The following EGFR variants were observed in gnomAD, a reference collection of about 807,000 sequenced individuals.
The protein encoded by EGFR is avian erythroblastic leukemia viral (v-erb-b) oncogene homolog.
Under a neutral mutation model 143.0 loss-of-function variants are expected in EGFR, and 58 were observed. The ratio of observed to expected loss-of-function variants is 0.41; its 90% CI spans 0.33 to 0.50. The LOEUF is 0.50. EGFR is among the 20% of genes least tolerant of loss of function. EGFR has a pLI of 0.39. For missense variants in EGFR, 1,307 were observed against 1,579.0 expected, an observed-to-expected ratio of 0.83 and a Z score of 2.92; for synonymous variants, 613 against 594.4, an observed-to-expected ratio of 1.03 and a Z score of -0.45.
Position 55,142,273 on chromosome 7 carries a change from C to A in EGFR, c.89-13C>A, listed in dbSNP as rs749252467. ...TCTCAGTATTTCATGTGATATCTGT[C>A]TTTTTCTTCCAGTTTGCCAAGGCAC... On this transcript the variant is annotated splice_polypyrimidine_tract_variant and intron_variant, in intron 1 of 27. Coordinates refer to ENST00000275493, the MANE Select transcript of EGFR (RefSeq NM_005228.5). 1 of 1,614,110 alleles carries A rather than the reference C, an allele frequency of 6.2e-7. No homozygotes were observed.
rs1334848721 is a variant in EGFR at position 55,210,584 on chromosome 7, G to A, written c.*4967G>A. The A allele has an allele frequency of 6.6e-6, 1 of 152,192 alleles. No homozygotes were observed. The highest frequency in any genetic ancestry group is 1.5e-5 in the Non-Finnish European group (1 of 68,038). 9.4% of individuals were successfully genotyped at this position (152,192 alleles called of 1,614,324 possible). A position where few individuals can be genotyped will look rare whatever the true frequency, so the allele number is the denominator to read the frequency against. On this transcript the variant is annotated 3_prime_UTR_variant, in exon 28 of 28. Coordinates refer to ENST00000275493, the MANE Select transcript of EGFR (RefSeq NM_005228.5). ...GGACATGGACTTGGAGGCAAATTCTGCAGGTGTATGTGATTCTCAGGCCTA... is the reference window on the plus strand; with the variant it reads ...GGACATGGACTTGGAGGCAAATTCTACAGGTGTATGTGATTCTCAGGCCTA...
rs1785286591 is a variant in EGFR, at chr7:55,154,044, A to G, written c.781A>G (p.Lys261Glu). ...CRKFRDEATC[K>E]DTCPPLMLYN... ...CAAATTCCGAGACGAAGCCACGTGC[A>G]AGGACACCTGCCCCCCACTCATGCT... Residue 261 changes from lysine to glutamate, a missense_variant, in exon 7 of 28, where the codon AAG (lysine) becomes GAG (glutamate). Lys to Glu is a moderately conservative substitution (Grantham distance 56, BLOSUM62 1). This residue lies in a region of EGFR where 311 missense variants were observed against 412.3 expected (regional missense o/e 0.75). Coordinates refer to ENST00000275493, the MANE Select transcript of EGFR (RefSeq NM_005228.5). The G allele has an allele frequency of 6.2e-7, 1 of 1,614,028 alleles. No homozygotes were observed. Among genetic ancestry groups the G allele is most frequent in the African/African-American group, 1.3e-5 (1 of 74,910 alleles).
chr7:55,131,224 T>A (rs1490631696), intron 1 of EGFR, among the ~76,000 whole-genome samples: 2 of 151,692 alleles, frequency 1.3e-5, no homozygotes, highest in African/African-American at 4.8e-5. Flanking sequence ...CATGTGCCAG[T>A]AACAGTGCAG....
intron 5 of EGFR, 90 bp from the exon 6 acceptor site, chr7:55,152,456 A>T (rs866386005): frequency 8.3e-7 from 1 of 1,201,622 alleles, no homozygotes; most frequent in Non-Finnish European, 1.2e-6. Context: ...TCACTTTTTC[A>T]TGAAAAAGTC....
Position 55,163,800 on chromosome 7 carries a change from A to G in EGFR, c.1699A>G (p.Met567Val), listed in dbSNP as rs771278492. The G allele has an allele frequency of 3.1e-6, 5 of 1,614,224 alleles. No homozygotes were observed. The highest frequency in any genetic ancestry group is 1.1e-5 in the South Asian group (1 of 91,086). The change falls in exon 14 of 28, where the codon ATG (methionine) becomes GTG (valine). Residue 567 changes from methionine (M) to valine (V), a missense_variant. By Grantham distance (21) the Met-to-Val change is conservative. Coordinates refer to ENST00000275493, the MANE Select transcript of EGFR (RefSeq NM_005228.5). ...CCACCCAGAGTGCCTGCCTCAGGCC[A>G]TGAACATCACCTGCACAGGACGGGT... is the stretch of plus-strand genomic sequence containing the variant. ...QCHPECLPQA[M>V]NITCTGRGPD...
intron 22 of EGFR, among the ~76,000 whole-genome samples, chr7:55,196,782 C>CT (rs370316535): frequency 0.022 from 3,131 of 142,554 alleles, 37 homozygotes; most frequent in Middle Eastern, 0.033. Flanking sequence ...TTATTCATTG[C>CT]TTTTTTTTTT....
intron 27 of EGFR, among the ~76,000 whole-genome samples, chr7:55,204,598 CACGTA>C: frequency 7.6e-6 from 1 of 132,116 alleles, no homozygotes; most frequent in African/African-American, 2.9e-5. Context: ...CACATACACA[CACGTA>C]CACACACCAC....
intron 1 of EGFR, among the ~76,000 whole-genome samples, chr7:55,115,326 T>C (rs1399355076): frequency 2.6e-5 from 4 of 152,238 alleles, no homozygotes; most frequent in Admixed American, 6.5e-5. Context: ...ACTATAGTCC[T>C]GTGAATAAGG....
rs754513957 is a variant in EGFR at position 55,205,633 on chromosome 7, T to G, written c.*16T>G. On this transcript the variant is annotated 3_prime_UTR_variant, in exon 28 of 28. Transcript: ENST00000275493. Reference sequence around the variant, plus strand: ...TGGAGCATGACCACGGAGGATAGTATGAGCCCTAAAAATCCAGACTCTTTC... The same window carrying G: ...TGGAGCATGACCACGGAGGATAGTAGGAGCCCTAAAAATCCAGACTCTTTC... 2 of 1,614,176 alleles carry G rather than the reference T, an allele frequency of 1.2e-6. No homozygotes were observed. Among genetic ancestry groups the G allele is most frequent in the Non-Finnish European group, 1.7e-6 (2 of 1,180,028 alleles).
chr7:55,138,569 T>C (rs1318542847), intron 1 of EGFR, among the ~76,000 whole-genome samples: 1 of 152,216 alleles, frequency 6.6e-6, no homozygotes, highest in Non-Finnish European at 1.5e-5. Context: ...GATCCAAACA[T>C]CTCAGTTTAG....
chr7:55,143,798 G>A (rs907004273), intron 3 of EGFR, among the ~76,000 whole-genome samples: 4 of 152,188 alleles, frequency 2.6e-5, no homozygotes, highest in African/African-American at 9.6e-5. Flanking sequence ...AGCAGGAATC[G>A]TGAATCTATG....
At chr7:55,041,587 T>G (rs1787904652) in intron 1 of EGFR, among the ~76,000 whole-genome samples, 1 of 152,206 alleles carries the variant, frequency 6.6e-6, no homozygotes, top group South Asian at 2.1e-4. Context: ...TCTGCAGCCC[T>G]AACACATCTT....
At chr7:55,108,628 T>G (rs1792277831) in intron 1 of EGFR, among the ~76,000 whole-genome samples, 1 of 152,176 alleles carries the variant, frequency 6.6e-6, no homozygotes, top group African/African-American at 2.4e-5. Flanking sequence ...GAGTTAGTCA[T>G]GACAGGAGAG....
At chr7:55,043,598 G>A (rs1274046913) in intron 1 of EGFR, among the ~76,000 whole-genome samples, 1 of 106,272 alleles carries the variant, frequency 9.4e-6, no homozygotes, top group Non-Finnish European at 2.0e-5. Flanking sequence ...CTGGCCTCAA[G>A]AGAACCGCCC....
intron 20 of EGFR, among the ~76,000 whole-genome samples, chr7:55,184,130 T>A (rs999889695): frequency 3.9e-5 from 6 of 152,232 alleles, no homozygotes; most frequent in Non-Finnish European, 8.8e-5. Context: ...GTCTCCCGAC[T>A]GTGGAGTGTG....
chr7:55,095,638 A>T (rs1328829948), intron 1 of EGFR, among the ~76,000 whole-genome samples: 3 of 152,046 alleles, frequency 2.0e-5, no homozygotes, highest in African/African-American at 7.2e-5. Flanking sequence ...CATACACACA[A>T]CACACAGAGT....
At chr7:55,174,075 G>A (rs775933564) in intron 18 of EGFR, 32 bp downstream of exon 18, 1 of 1,613,900 alleles carries the variant, frequency 6.2e-7, no homozygotes, top group Non-Finnish European at 8.5e-7. Context: ...TCTGGGCTGG[G>A]CCGCAGGGCC....
chr7:55,202,718 C>A (rs1787906624), intron 27 of EGFR, 93 bp downstream of exon 27: 1 of 1,116,958 alleles, frequency 9.0e-7, no homozygotes. Flanking sequence ...GGTGCTCCCT[C>A]CAGCATCTCC....
At position 55,198,723 on chromosome 7, in the gene EGFR, C is replaced by G. The variant is rs1375731369; in HGVS notation, c.2708C>G (p.Thr903Ser). The G allele has an allele frequency of 6.2e-7, 1 of 1,614,178 alleles. No homozygotes were observed. The highest frequency in any genetic ancestry group is 1.1e-5 in the South Asian group (1 of 91,078). Reference protein sequence around the residue: ...HQSDVWSYGVTVWELMTFGSK... With the variant: ...HQSDVWSYGVSVWELMTFGSK... The stretch of plus-strand genomic sequence containing the variant: ...TCTTGCTTCATCCTCTCAGGGGTGA[C>G]TGTTTGGGAGTTGATGACCTTTGGA... Residue 903 changes from threonine (T) to serine (S), a missense_variant, in exon 23 of 28, where the codon ACT (threonine) becomes AGT (serine). Transcript: ENST00000275493.
Sources: allele counts gnomAD v4.1 joint callset (sites outside exome capture counted in the v4.1 genomes callset), GRCh38; gene constraint gnomAD v4.1.1; regional missense constraint gnomAD v4.1.1; transcripts MANE v1.5; gene names NCBI Gene and HGNC (gene_info 2026-07-23, HGNC 2026-07-21).